SHROOM3: variants seen among roughly 807,000 people sequenced by gnomAD.
SHROOM3 encodes the protein protein Shroom3.
A neutral mutation model predicts 138.6 loss-of-function variants in SHROOM3; 47 were observed. The observed-to-expected ratio is 0.34, with a 90% CI of 0.27 to 0.43. The LOEUF is 0.43. Among genes scored for constraint, SHROOM3 ranks in the 20% least tolerant of loss-of-function variants. The pLI is 1.00. For missense variants in SHROOM3, 2,491 were observed against 2,596.5 expected, an observed-to-expected ratio of 0.96 and a Z score of 0.88; for synonymous variants, 1,062 against 1,063.3, an observed-to-expected ratio of 1.00 and a Z score of 0.02.
intron 1 of SHROOM3, among the ~76,000 whole-genome samples, chr4:76,471,737 C>A (rs1731378683): frequency 6.6e-6 from 1 of 152,142 alleles, no homozygotes; most frequent in African/African-American, 2.4e-5. Context: ...ACCTTAAACA[C>A]CATTTTTTGA....
At chr4:76,537,227 A>G (rs1295814667) in intron 1 of SHROOM3, among the ~76,000 whole-genome samples, 1 of 152,230 alleles carries the variant, frequency 6.6e-6, no homozygotes, top group Non-Finnish European at 1.5e-5. Context: ...ACCACACAGT[A>G]GATGTGTACA....
intron 2 of SHROOM3, among the ~76,000 whole-genome samples, chr4:76,625,740 T>C (rs1450827298): frequency 6.6e-6 from 1 of 152,152 alleles, no homozygotes; most frequent in African/African-American, 2.4e-5. Flanking sequence ...AGGCTTATCC[T>C]CCCCTCTCTA....
At chr4:76,696,932 A>G (rs1415875645) in intron 2 of SHROOM3, among the ~76,000 whole-genome samples, 1 of 152,116 alleles carries the variant, frequency 6.6e-6, no homozygotes, top group South Asian at 2.1e-4. Context: ...TGTTGTTTTT[A>G]TAAGAGACAG....
intron 1 of SHROOM3, among the ~76,000 whole-genome samples, chr4:76,468,528 A>AT (rs1731293943): frequency 6.6e-6 from 1 of 151,708 alleles, no homozygotes; most frequent in South Asian, 2.1e-4. Context: ...TTTTATAATA[A>AT]ATGAGTTTAT....
intron 2 of SHROOM3, among the ~76,000 whole-genome samples, chr4:76,638,390 C>CAA (rs147441383): frequency 3.4e-5 from 5 of 148,460 alleles, no homozygotes; most frequent in Middle Eastern, 3.4e-3. Flanking sequence ...CCTGTTTCAA[C>CAA]AAAAAAAAAA....
chr4:76,606,684 C>T (rs561459396), intron 2 of SHROOM3, among the ~76,000 whole-genome samples: 1 of 152,224 alleles, frequency 6.6e-6, no homozygotes, highest in Non-Finnish European at 1.5e-5. Context: ...GCCTGGGCAA[C>T]AGAGCAGGAC....
At chr4:76,761,831 A>G (rs1437868176) in intron 9 of SHROOM3, among the ~76,000 whole-genome samples, 1 of 152,186 alleles carries the variant, frequency 6.6e-6, no homozygotes, top group Non-Finnish European at 1.5e-5. Flanking sequence ...TCAGGGTGGA[A>G]GAGATCTTAG....
intron 1 of SHROOM3, among the ~76,000 whole-genome samples, chr4:76,441,223 T>C (rs1222297992): frequency 6.7e-6 from 1 of 149,938 alleles, no homozygotes. Flanking sequence ...GACTCCCAAG[T>C]AGCTGGGACT....
chr4:76,533,968 A>G (rs1036390335), intron 1 of SHROOM3, among the ~76,000 whole-genome samples: 1 of 152,206 alleles, frequency 6.6e-6, no homozygotes, highest in African/African-American at 2.4e-5. Context: ...GACCCTGGGT[A>G]GGACAAAGAC....
intron 2 of SHROOM3, among the ~76,000 whole-genome samples, chr4:76,680,242 G>A (rs1577970021): frequency 6.6e-6 from 1 of 151,260 alleles, no homozygotes; most frequent in Non-Finnish European, 1.5e-5. Context: ...CTGGGTTCAC[G>A]CCATTCTCCT....
intron 1 of SHROOM3, among the ~76,000 whole-genome samples, chr4:76,533,530 A>G (rs368374273): frequency 6.6e-6 from 1 of 152,164 alleles, no homozygotes; most frequent in Non-Finnish European, 1.5e-5. Context: ...CATCTTGGCA[A>G]TTGTGGGAAG....
chr4:76,454,236 G>T (rs557406958), intron 1 of SHROOM3, among the ~76,000 whole-genome samples: 1 of 152,222 alleles, frequency 6.6e-6, no homozygotes, highest in South Asian at 2.1e-4. Context: ...TAGAGACAGG[G>T]TTTCACCATA....
At chr4:76,537,037 C>T (rs905875694) in intron 1 of SHROOM3, among the ~76,000 whole-genome samples, 9 of 152,114 alleles carry the variant, frequency 5.9e-5, no homozygotes, top group South Asian at 2.1e-4. Flanking sequence ...CACTTGAACC[C>T]GAGAGCCAGA....
rs1361041934 is a variant in SHROOM3, at chr4:76,608,619, G to T, written c.323+52856G>T. Among the ~76,000 whole-genome samples, 49 of 100,962 alleles carry T rather than the reference G, an allele frequency of 4.9e-4. 2 individuals are homozygous for T. The highest frequency in any genetic ancestry group is 9.8e-4 in the African/African-American group (26 of 26,566). The allele number at this position is 100,962 out of a possible 152,430, so 66.2% of individuals were successfully genotyped here. A position where few individuals can be genotyped will look rare whatever the true frequency, so the allele number is the denominator to read the frequency against. On this transcript the variant is annotated intron_variant, in intron 2 of 10. Coordinates refer to ENST00000296043, the MANE Select transcript of SHROOM3 (RefSeq NM_020859.4). ...GCATAGCATAGCATAGCATTGGACA[G>T]AGATGGTATAGCATAGCATAGCATA... is the stretch of plus-strand genomic sequence containing the variant.
intron 2 of SHROOM3, among the ~76,000 whole-genome samples, chr4:76,706,643 G>A (rs150122780): frequency 9.2e-5 from 14 of 152,250 alleles, no homozygotes; most frequent in South Asian, 4.2e-4. Flanking sequence ...AAAAATCTGC[G>A]TATAAGAGGA....
chr4:76,680,172 G>A (rs568064024), intron 2 of SHROOM3, among the ~76,000 whole-genome samples: 126 of 143,990 alleles, frequency 8.8e-4, no homozygotes, highest in South Asian at 2.6e-3. Context: ...ACGGAGTCTC[G>A]CTCTGTTGCC....
chr4:76,741,860 G>A lies in SHROOM3; in HGVS notation c.3687G>A (p.Ser1229=), dbSNP rs1721268099. 1.9e-6 allele frequency: 3 copies of A among 1,611,010 alleles called. No individual in the cohort carries two copies. Among genetic ancestry groups the A allele is most frequent in the East Asian group, 2.2e-5 (1 of 44,828 alleles). The change falls in exon 5 of 11, where the codon TCG becomes TCA. Residue 1229 remains serine, a synonymous_variant. Coordinates refer to ENST00000296043, the MANE Select transcript of SHROOM3 (RefSeq NM_020859.4). The surrounding 1 kb of genome is among the most constrained non-coding windows in gnomAD (Gnocchi z 6.2). ...CGGCCGAGGACCTGCTGGAACGCTC[G>A]GACGTCCTTGCGGGCCCTGTCCATG... The part of the protein sequence containing the change: ...SMSAEDLLER[S]DVLAGPVHVR...
intron 2 of SHROOM3, chr4:76,689,537 T>G: frequency 2.0e-6 from 2 of 983,944 alleles, no homozygotes; most frequent in Non-Finnish European, 2.4e-6. Context: ...CGCGGCGCGG[T>G]GGCGCGGTGG....
intron 2 of SHROOM3, among the ~76,000 whole-genome samples, chr4:76,696,463 G>A (rs1488578382): frequency 6.6e-6 from 1 of 152,208 alleles, no homozygotes; most frequent in Admixed American, 6.5e-5. Context: ...GTGAAATGGG[G>A]TCACAGTCCA....
Sources: allele counts gnomAD v4.1 joint callset (sites outside exome capture counted in the v4.1 genomes callset), GRCh38; gene constraint gnomAD v4.1.1; non-coding constraint Gnocchi (gnomAD v3.1); transcripts MANE v1.5; gene names NCBI Gene and HGNC (gene_info 2026-07-23, HGNC 2026-07-21).